Variants in TMEM117 observed in about 807,000 individuals in gnomAD.
TMEM117 encodes transmembrane protein 117.
TMEM117 carries 27 observed loss-of-function variants against 52.4 expected under a neutral mutation model. The observed-to-expected ratio is 0.51, with a 90% CI of 0.38 to 0.71. The LOEUF is 0.71. TMEM117 is among the 30% of genes least tolerant of loss of function. The probability of loss-of-function intolerance (pLI) is 0.00; values close to 1 mark genes in which losing one functional copy is unlikely to be tolerated. For missense variants in TMEM117, 556 were observed against 630.5 expected (o/e 0.88, Z 1.26); for synonymous variants, 215 against 206.3 (o/e 1.04, Z -0.36).
At chr12:43,899,550 G>GA (rs1256002544) in intron 2 of TMEM117, among the ~76,000 whole-genome samples, 1 of 152,094 alleles carries the variant, frequency 6.6e-6, no homozygotes, top group Non-Finnish European at 1.5e-5. Context: ...TGGAGTCCTG[G>GA]GGAGTTGTGC....
At chr12:43,898,825 A>T (rs950583964) in intron 2 of TMEM117, among the ~76,000 whole-genome samples, 8 of 152,248 alleles carry the variant, frequency 5.3e-5, no homozygotes, top group African/African-American at 1.9e-4. Flanking sequence ...GAGTCTAAGA[A>T]GATCTACCGA....
chr12:43,960,096 A>G (rs937767698), intron 3 of TMEM117, among the ~76,000 whole-genome samples: 1 of 152,168 alleles, frequency 6.6e-6, no homozygotes, highest in African/African-American at 2.4e-5. Flanking sequence ...GGTGCTTTAG[A>G]TAATTTGTTG....
chr12:44,266,878 C>T (rs1367496361), intron 5 of TMEM117, among the ~76,000 whole-genome samples: 1 of 152,012 alleles, frequency 6.6e-6, no homozygotes, highest in African/African-American at 2.4e-5. Context: ...ATTCTTTTCC[C>T]CATTGTATAG....
chr12:43,820,006 T>TA, the TMEM117 span, among the ~76,000 whole-genome samples: 1 of 152,008 alleles, frequency 6.6e-6, no homozygotes, highest in African/African-American at 2.4e-5. Flanking sequence ...ATTAAACTTG[T>TA]AAAAAAAAGA....
intron 3 of TMEM117, among the ~76,000 whole-genome samples, chr12:44,117,428 A>G (rs1462971081): frequency 2.6e-5 from 4 of 151,520 alleles, no homozygotes; most frequent in Non-Finnish European, 5.9e-5. Context: ...GCCTTTCACT[A>G]TTTGCAGGAT....
chr12:43,989,270 C>T (rs574891256), intron 3 of TMEM117, among the ~76,000 whole-genome samples: 7 of 152,112 alleles, frequency 4.6e-5, no homozygotes, highest in Non-Finnish European at 7.4e-5. Context: ...TCCTCTTGGG[C>T]GTATGTTTAT....
intron 1 of TMEM117, among the ~76,000 whole-genome samples, chr12:43,839,887 A>G (rs1485997225): frequency 6.6e-6 from 1 of 152,238 alleles, no homozygotes; most frequent in African/African-American, 2.4e-5. Flanking sequence ...AACTTTTGAT[A>G]ATTCTCTATT....
Position 43,973,690 on chromosome 12 carries a change from T to C in TMEM117, c.410+29348T>C, listed in dbSNP as rs140367360. On this transcript the variant is annotated intron_variant, in intron 3 of 7. Coordinates refer to ENST00000266534, the MANE Select transcript of TMEM117 (RefSeq NM_032256.3). ...TAATTTCAGATTATCATATACTTAC[T>C]GTTGCAAGAGCCTGGTATTCAAAGC... is the stretch of plus-strand genomic sequence containing the variant. Among the ~76,000 whole-genome samples the C allele has an allele frequency of 9.2e-5, 14 of 152,342 alleles. No individual in the cohort carries two copies. The East Asian group carries it at 1.5e-3, about 17-fold the overall frequency.
intron 5 of TMEM117, among the ~76,000 whole-genome samples, chr12:44,236,015 A>T (rs1426371152): frequency 6.6e-6 from 1 of 151,684 alleles, no homozygotes; most frequent in Non-Finnish European, 1.5e-5. Flanking sequence ...GCTACTTTTG[A>T]CATTTACTCT....
intron 3 of TMEM117, among the ~76,000 whole-genome samples, chr12:44,052,210 A>G (rs1946984971): frequency 6.6e-6 from 1 of 152,158 alleles, no homozygotes; most frequent in Non-Finnish European, 1.5e-5. Flanking sequence ...TTTTAGCTTC[A>G]GTACTATTGG....
In TMEM117 at chr12:43,943,133, A is replaced by G. The variant is rs976150309; in HGVS notation, c.278-1077A>G. On this transcript the variant is annotated intron_variant, in intron 2 of 7. Transcript: ENST00000266534. ...GCGGAAGTTGTGGTGAGCTGAGATC[A>G]CGCCACTGCACTCCAGCCCAGCAAC... Among the ~76,000 whole-genome samples the G allele has an allele frequency of 1.7e-4, 21 of 126,330 alleles. No individual in the cohort carries two copies. The Admixed American group carries it at 2.3e-3, about 14-fold the overall frequency. The allele number at this position is 126,330 out of a possible 152,430, so 82.9% of individuals were successfully genotyped here.
At chr12:43,835,757 T>G (rs936436984), upstream of TMEM117, among the ~76,000 whole-genome samples, 1 of 152,084 alleles carries the variant, frequency 6.6e-6, no homozygotes, top group African/African-American at 2.4e-5. Context: ...CGCCTGCAGC[T>G]GCCGCTCTGC....
intron 6 of TMEM117, among the ~76,000 whole-genome samples, chr12:44,308,750 G>A (rs1950935458): frequency 1.3e-5 from 2 of 151,934 alleles, no homozygotes; most frequent in Admixed American, 6.6e-5. Context: ...CTTCCCAGTA[G>A]CTGGGACTAC....
At chr12:43,934,592 T>C (rs1944920817) in intron 2 of TMEM117, among the ~76,000 whole-genome samples, 1 of 152,184 alleles carries the variant, frequency 6.6e-6, no homozygotes, top group Non-Finnish European at 1.5e-5. Context: ...AACCATGCTT[T>C]TATTTTCCTT....
chr12:44,336,648 A>T (rs1032846801), intron 6 of TMEM117, among the ~76,000 whole-genome samples: 2 of 152,020 alleles, frequency 1.3e-5, no homozygotes, highest in Admixed American at 1.3e-4. Flanking sequence ...AGAGAAATCC[A>T]TTAGGCATTG....
intron 3 of TMEM117, among the ~76,000 whole-genome samples, chr12:44,004,779 G>A (rs1946168172): frequency 1.3e-5 from 2 of 152,040 alleles, no homozygotes; most frequent in African/African-American, 4.8e-5. Context: ...CAAGTTGGGG[G>A]TTTCTAGTAT....
chr12:44,126,952 G>T (rs997903886), intron 3 of TMEM117, among the ~76,000 whole-genome samples: 1 of 152,196 alleles, frequency 6.6e-6, no homozygotes, highest in Non-Finnish European at 1.5e-5. Flanking sequence ...AAAATTCATG[G>T]ATTAAGGCAC....
intron 3 of TMEM117, among the ~76,000 whole-genome samples, chr12:43,993,209 A>G (rs1221403156): frequency 6.6e-6 from 1 of 152,188 alleles, no homozygotes; most frequent in African/African-American, 2.4e-5. Context: ...CCAGAATGCA[A>G]TCCCAACTGA....
At position 43,981,383 on chromosome 12, in the gene TMEM117, T is replaced by C. The variant is rs539011629; in HGVS notation, c.410+37041T>C. 4.6e-5 allele frequency among the ~76,000 whole-genome samples: 7 copies of C among 152,310 alleles called. No homozygotes were observed. In the South Asian group the frequency reaches 1.4e-3, roughly 32 times the overall value. On this transcript the variant is annotated intron_variant, in intron 3 of 7. Coordinates refer to ENST00000266534, the MANE Select transcript of TMEM117 (RefSeq NM_032256.3). ...TATAATTGGGAGTAGACTTAATCTG[T>C]ATAGTGCTGGAGCACAGAAAGAGGA...
Sources: allele counts gnomAD v4.1 joint callset (sites outside exome capture counted in the v4.1 genomes callset), GRCh38; gene constraint gnomAD v4.1.1; transcripts MANE v1.5; gene names NCBI Gene and HGNC (gene_info 2026-07-23, HGNC 2026-07-21).